Variants in ATP6V1G3 observed in about 807,000 individuals in gnomAD.
The protein encoded by ATP6V1G3 is V-type proton ATPase subunit G 3.
A neutral mutation model predicts 9.3 loss-of-function variants in ATP6V1G3; 9 were observed. The observed-to-expected ratio is 0.97, with a 90% CI of 0.59 to 1.69. The LOEUF (loss-of-function observed/expected upper bound fraction) is 1.69, where lower values mean the gene tolerates loss of function less well. Ranked by LOEUF, ATP6V1G3 falls within the 40% of genes most tolerant of loss-of-function variation. The probability of loss-of-function intolerance (pLI) is 0.00; values close to 1 mark genes in which losing one functional copy is unlikely to be tolerated. For missense variants in ATP6V1G3, 133 were observed against 139.0 expected, an observed-to-expected ratio of 0.96 and a Z score of 0.22; for synonymous variants, 43 against 43.8, an observed-to-expected ratio of 0.98 and a Z score of 0.07.
intron 2 of ATP6V1G3, 135 bp from the exon 3 acceptor site, chr1:198,523,699 C>A (rs1659541962): frequency 1.3e-6 from 1 of 753,906 alleles, no homozygotes; most frequent in South Asian, 2.2e-5. Flanking sequence ...TTCAGAGAAC[C>A]AACAAGATCA....
chr1:198,539,284 T>A (rs1259819268), intron 1 of ATP6V1G3, among the ~76,000 whole-genome samples: 1 of 152,244 alleles, frequency 6.6e-6, no homozygotes, highest in Non-Finnish European at 1.5e-5. Flanking sequence ...TATTCCTTCA[T>A]TTCATTCATT....
At chr1:198,534,177 G>A (rs1660018914) in intron 1 of ATP6V1G3, among the ~76,000 whole-genome samples, 1 of 152,072 alleles carries the variant, frequency 6.6e-6, no homozygotes, top group Non-Finnish European at 1.5e-5. Flanking sequence ...TTGGAAATAG[G>A]GTCTTTGCAG....
chr1:198,525,727 A>G (rs1010441535), intron 2 of ATP6V1G3, among the ~76,000 whole-genome samples: 3 of 152,170 alleles, frequency 2.0e-5, no homozygotes, highest in Non-Finnish European at 2.9e-5. Context: ...TATGTAGTTT[A>G]CACTTATAGC....
intron 1 of ATP6V1G3, among the ~76,000 whole-genome samples, chr1:198,534,252 C>G (rs908172197): frequency 6.6e-6 from 1 of 152,142 alleles, no homozygotes; most frequent in South Asian, 2.1e-4. Flanking sequence ...AACTGGTTCT[C>G]TTATAAGGGA....
rs1430760286 is a variant in ATP6V1G3 at position 198,537,281 on chromosome 1, G to A, written c.82+3288C>T. On this transcript the variant is annotated intron_variant, in intron 1 of 2. Coordinates refer to ENST00000367382, the MANE Select transcript of ATP6V1G3 (RefSeq NM_001376861.1). ...AGCAACTGCACCAGGATCTGAGGCT[G>A]TTCTCCTTAATGGAATATATTAATA... 2.6e-5 allele frequency among the ~76,000 whole-genome samples: 4 copies of A among 152,134 alleles called. No homozygotes were observed. The South Asian group carries it at 6.2e-4, about 24-fold the overall frequency.
chr1:198,523,370 C>T lies in ATP6V1G3; in HGVS notation c.*21G>A, dbSNP rs572126012. 66 of 1,586,874 alleles carry T rather than the reference C, an allele frequency of 4.2e-5. 1 individual carries two copies. Among genetic ancestry groups the T allele is most frequent in the South Asian group, 3.8e-4 (33 of 86,014 alleles). ...GTGGCACTCACACACCTTTTTTTTT[C>T]TTGAAAACTGTGATGTACATTTAGT... On this transcript the variant is annotated 3_prime_UTR_variant, in exon 3 of 3. Coordinates refer to ENST00000367382, the MANE Select transcript of ATP6V1G3 (RefSeq NM_001376861.1).
intron 1 of ATP6V1G3, among the ~76,000 whole-genome samples, chr1:198,534,899 A>G (rs1660045087): frequency 1.3e-5 from 2 of 152,184 alleles, no homozygotes; most frequent in South Asian, 2.1e-4. Flanking sequence ...CCCAGTGACT[A>G]CAAACATTGG....
chr1:198,536,416 T>C (rs3736929), intron 1 of ATP6V1G3, among the ~76,000 whole-genome samples: 4 of 151,968 alleles, frequency 2.6e-5, no homozygotes, highest in African/African-American at 9.7e-5. Context: ...TGGAGCTCCA[T>C]GGCAGATCTC....
chr1:198,536,376 G>T (rs1660114245), intron 1 of ATP6V1G3, among the ~76,000 whole-genome samples: 1 of 152,120 alleles, frequency 6.6e-6, no homozygotes, highest in African/African-American at 2.4e-5. Context: ...ATCTAATTCT[G>T]ATTGAAGTTT....
chr1:198,527,409 A>G (rs1047038046), intron 2 of ATP6V1G3, among the ~76,000 whole-genome samples: 1 of 152,180 alleles, frequency 6.6e-6, no homozygotes, highest in Non-Finnish European at 1.5e-5. Flanking sequence ...TAACCTGAAC[A>G]AGATATATAT....
chr1:198,540,710 T>C, upstream of ATP6V1G3: 1 of 1,473,694 alleles, frequency 6.8e-7, no homozygotes, highest in African/African-American at 1.4e-5. Context: ...GTTCATTTAT[T>C]CTTTTAGAAA....
chr1:198,539,516 T>C (rs1460214665), intron 1 of ATP6V1G3, among the ~76,000 whole-genome samples: 1 of 152,206 alleles, frequency 6.6e-6, no homozygotes, highest in Non-Finnish European at 1.5e-5. Context: ...CTTGGGAATC[T>C]GAATTCCAGT....
intron 2 of ATP6V1G3, among the ~76,000 whole-genome samples, 193 bp downstream of exon 2, chr1:198,528,888 T>TA (rs1217731607): frequency 1.3e-5 from 2 of 151,564 alleles, no homozygotes; most frequent in African/African-American, 4.8e-5. Context: ...TGTGAGAAAT[T>TA]AAAAATGCCT....
At chr1:198,528,488 G>A (rs545886099) in intron 2 of ATP6V1G3, among the ~76,000 whole-genome samples, 1 of 152,102 alleles carries the variant, frequency 6.6e-6, no homozygotes, top group East Asian at 1.9e-4. Flanking sequence ...CCGCTCCAAA[G>A]GTTTCATGCA....
intron 1 of ATP6V1G3, 28 bp from the exon 2 acceptor site, chr1:198,529,209 T>C (rs1166242952): frequency 2.3e-6 from 1 of 428,216 alleles, no homozygotes; most frequent in Non-Finnish European, 3.6e-6. Context: ...TATATATATA[T>C]ATATATAATT....
At chr1:198,532,274 A>G (rs1460824523) in intron 1 of ATP6V1G3, among the ~76,000 whole-genome samples, 1 of 152,160 alleles carries the variant, frequency 6.6e-6, no homozygotes, top group Non-Finnish European at 1.5e-5. Flanking sequence ...TTAACACTCA[A>G]CCTTTAAGAA....
chr1:198,529,215 T>TATATAA (rs1553274432), intron 1 of ATP6V1G3, 34 bp from the exon 2 acceptor site: 16 of 416,014 alleles, frequency 3.8e-5, no homozygotes, highest in African/African-American at 3.3e-4. Context: ...TATATATATA[T>TATATAA]AATTATATAT....
rs1660120569 is a variant in ATP6V1G3, at chr1:198,536,560, A to C, written c.82+4009T>G. On this transcript the variant is annotated intron_variant, in intron 1 of 2. Transcript: ENST00000367382. ...GTGCAAACTACTGTGATTTCATCTA[A>C]ATTCAACCAAAATAGTAAGGCAGTT... is the stretch of plus-strand genomic sequence containing the variant. 10 of 786,634 alleles carry C rather than the reference A, an allele frequency of 1.3e-5. No homozygotes were observed. In the South Asian group the frequency reaches 2.4e-4, roughly 19 times the overall value. 48.7% of individuals were successfully genotyped at this position (786,634 alleles called of 1,614,324 possible). A position where few individuals can be genotyped will look rare whatever the true frequency, so the allele number is the denominator to read the frequency against.
At position 198,540,551 on chromosome 1, in the gene ATP6V1G3, C is replaced by T. The variant is rs1411648650; in HGVS notation, c.82+18G>A. 1.2e-6 allele frequency: 2 copies of T among 1,610,076 alleles called. No individual in the cohort carries two copies. The highest frequency in any genetic ancestry group is 2.2e-5 in the East Asian group (1 of 44,878). On this transcript the variant is annotated intron_variant, in intron 1 of 2. Coordinates refer to ENST00000367382, the MANE Select transcript of ATP6V1G3 (RefSeq NM_001376861.1). ...GCTTTGTTTATTTCGTGACAGACCC[C>T]TCACAGGTGAGACTTACTCTTCTTG...
Sources: gnomAD v4.1 joint callset for allele counts (sites outside exome capture counted in the v4.1 genomes callset) on GRCh38, gnomAD v4.1.1 for gene constraint, MANE v1.5 for transcripts, NCBI Gene and HGNC (gene_info 2026-07-23, HGNC 2026-07-21) for gene names.